The following INPP5D variants were observed in gnomAD, a reference collection of about 807,000 sequenced individuals.
The protein encoded by INPP5D is phosphatidylinositol 3,4,5-trisphosphate 5-phosphatase 1.
INPP5D carries 33 observed loss-of-function variants against 122.9 expected under a neutral mutation model. The observed-to-expected ratio is 0.27, with a 90% CI of 0.20 to 0.36. INPP5D has a LOEUF of 0.36. Ranked by LOEUF, INPP5D falls within the 10% of genes least tolerant of loss-of-function variation. The pLI is 1.00. For missense variants in INPP5D, 1,053 were observed against 1,412.7 expected, an observed-to-expected ratio of 0.75 and a Z score of 4.08; for synonymous variants, 584 against 576.2, an observed-to-expected ratio of 1.01 and a Z score of -0.19.
chr2:233,065,678 G>A (rs370375606), intron 1 of INPP5D, among the ~76,000 whole-genome samples: 11 of 132,458 alleles, frequency 8.3e-5, no homozygotes, highest in Admixed American at 5.9e-4. Context: ...ACAGAGTCTC[G>A]CTCTGTCGCC....
chr2:233,198,439 C>T lies in INPP5D; in HGVS notation c.2975+63C>T, dbSNP rs1695243264. 2.0e-6 allele frequency: 3 copies of T among 1,537,910 alleles called. No homozygotes were observed. The South Asian group carries it at 3.7e-5, about 19-fold the overall frequency. On this transcript the variant is annotated intron_variant, in intron 25 of 26. Transcript: ENST00000445964. Reference sequence around the variant, plus strand: ...TTATGAAAGCGCCCTGGGCTTTGGGCTTTCACCCTAGAATGGAAGCCTCAT... The same window carrying T: ...TTATGAAAGCGCCCTGGGCTTTGGGTTTTCACCCTAGAATGGAAGCCTCAT...
chr2:233,127,391 T>C (rs920383987), intron 4 of INPP5D, among the ~76,000 whole-genome samples: 3 of 152,198 alleles, frequency 2.0e-5, no homozygotes, highest in African/African-American at 7.2e-5. Flanking sequence ...GGAATCCACA[T>C]TGTGTTTTAA....
chr2:233,107,230 C>G (rs1363048066), intron 2 of INPP5D, among the ~76,000 whole-genome samples: 1 of 152,136 alleles, frequency 6.6e-6, no homozygotes, highest in Non-Finnish European at 1.5e-5. Context: ...AGGGACCCAG[C>G]CTGGGGAGGA....
In INPP5D at chr2:233,206,269, TTA is replaced by T. The variant is rs1445330934; in HGVS notation, c.3568-431_3568-430del. On this transcript the variant is annotated intron_variant, in intron 26 of 26. Coordinates refer to ENST00000445964, the MANE Select transcript of INPP5D (RefSeq NM_001017915.3). The surrounding 1 kb of genome is among the most constrained non-coding windows in gnomAD (Gnocchi z 4.0). ...CCATGTATTATCATCTATATAGAAA[TTA>T]TATATTTATATTTATGTATTTACAT... Among the ~76,000 whole-genome samples, 1 of 151,786 alleles carries T rather than the reference TTA, an allele frequency of 6.6e-6. No homozygotes were observed. The highest frequency in any genetic ancestry group is 2.4e-5 in the African/African-American group (1 of 41,326).
intron 1 of INPP5D, among the ~76,000 whole-genome samples, chr2:233,075,366 A>G (rs1691492126): frequency 6.6e-6 from 1 of 152,164 alleles, no homozygotes; most frequent in Admixed American, 6.5e-5. Context: ...ATCACCACAA[A>G]GAGCTGGGGA....
At position 233,170,112 on chromosome 2, in the gene INPP5D, C is replaced by T. The variant is rs375591511; in HGVS notation, c.1739C>T (p.Thr580Met). Residue 580 changes from threonine to methionine, a missense_variant, in exon 15 of 27, where the codon ACG (threonine) becomes ATG (methionine). Around this residue, in one of 6 missense-constraint regions of INPP5D, gnomAD observed 258 missense variants for 439.1 expected, o/e 0.59. Transcript: ENST00000445964. The surrounding 1 kb of genome is among the most constrained non-coding windows in gnomAD (Gnocchi z 4.5). ...CCCTTTAACATCACTCACCGCTTCA[C>T]GCACCTCTTCTGGTTTGGGGATCTT... ...LSPFNITHRF[T>M]HLFWFGDLNY... The T allele has an allele frequency of 7.4e-6, 12 of 1,613,940 alleles. No homozygotes were observed. Among genetic ancestry groups the T allele is most frequent in the African/African-American group, 5.3e-5 (4 of 74,938 alleles).
intron 21 of INPP5D, among the ~76,000 whole-genome samples, chr2:233,186,697 T>G (rs1171475614): frequency 2.1e-4 from 5 of 23,714 alleles, no homozygotes; most frequent in African/African-American, 1.2e-3. Context: ...TTTTTTTTTT[T>G]TTTTTTTTTT....
intron 1 of INPP5D, among the ~76,000 whole-genome samples, chr2:233,065,646 TCTTTC>T: frequency 2.0e-4 from 3 of 14,930 alleles, no homozygotes; most frequent in African/African-American, 3.3e-4. Context: ...TTTCTTTCTT[TCTTTC>T]TTTTTTTTTT....
intron 21 of INPP5D, among the ~76,000 whole-genome samples, chr2:233,186,765 C>T (rs1285555800): frequency 1.5e-4 from 16 of 105,868 alleles, no homozygotes; most frequent in African/African-American, 5.9e-4. Flanking sequence ...CTCTGTTGCC[C>T]AGGCTGGAGT....
chr2:233,065,354 C>T (rs1384863139), intron 1 of INPP5D, among the ~76,000 whole-genome samples: 3 of 128,598 alleles, frequency 2.3e-5, no homozygotes, highest in Non-Finnish European at 3.1e-5. Context: ...GTCGCCAAGG[C>T]TGGAGTGCAG....
Position 233,177,488 on chromosome 2 carries a change from G to A in INPP5D, c.2071+142G>A. ...CACTGTAACCCTAATCAGGCGACCT[G>A]GAAATGTTGATGCTTCCCTGCCTGT... On this transcript the variant is annotated intron_variant, in intron 18 of 26. Coordinates refer to ENST00000445964, the MANE Select transcript of INPP5D (RefSeq NM_001017915.3). This position sits in a 1 kb window ranked among gnomAD's most constrained non-coding sequence, Gnocchi z 4.2. 7.2e-7 allele frequency: 1 copy of A among 1,381,384 alleles called. No homozygotes were observed. Among genetic ancestry groups the A allele is most frequent in the Non-Finnish European group, 9.9e-7 (1 of 1,008,344 alleles). 85.6% of individuals were successfully genotyped at this position (1,381,384 alleles called of 1,614,324 possible).
Position 233,177,429 on chromosome 2 carries a change from G to A in INPP5D, c.2071+83G>A. 1 of 1,605,928 alleles carries A rather than the reference G, an allele frequency of 6.2e-7. No individual in the cohort carries two copies. The highest frequency in any genetic ancestry group is 1.3e-5 in the African/African-American group (1 of 74,828). On this transcript the variant is annotated intron_variant, in intron 18 of 26. Coordinates refer to ENST00000445964, the MANE Select transcript of INPP5D (RefSeq NM_001017915.3). The surrounding 1 kb of genome is among the most constrained non-coding windows in gnomAD (Gnocchi z 4.2). ...GGTGTGACTGCCCTAAAATCTAAGG[G>A]CTTCAGTCTGTTGATGTGTCAAAGG...
chr2:233,077,285 TG>T (rs1251368060), intron 1 of INPP5D, among the ~76,000 whole-genome samples: 1 of 151,772 alleles, frequency 6.6e-6, no homozygotes, highest in Non-Finnish European at 1.5e-5. Context: ...CTCATGGGAG[TG>T]GGGAAGGAGA....
At chr2:233,126,005 G>T (rs1354594605) in intron 4 of INPP5D, 86 bp downstream of exon 4, 2 of 1,329,002 alleles carry the variant, frequency 1.5e-6, no homozygotes, top group Non-Finnish European at 2.1e-6. Flanking sequence ...TTCGATCCTA[G>T]TTATGGGCCT....
rs898912442 is a variant in INPP5D at position 233,189,497 on chromosome 2, G to T, written c.2359-353G>T. ...ACCTGGTGCCTGGCCCCACTTCCCC[G>T]CCAGCCTGCCTTCTCCTCTATGACC... On this transcript the variant is annotated intron_variant, in intron 21 of 26. Coordinates refer to ENST00000445964, the MANE Select transcript of INPP5D (RefSeq NM_001017915.3). This position sits in a 1 kb window ranked among gnomAD's most constrained non-coding sequence, Gnocchi z 5.6. Among the ~76,000 whole-genome samples, 3 of 152,114 alleles carry T rather than the reference G, an allele frequency of 2.0e-5. No individual in the cohort carries two copies. The highest frequency in any genetic ancestry group is 7.2e-5 in the African/African-American group (3 of 41,414).
intron 4 of INPP5D, 78 bp downstream of exon 4, chr2:233,125,997 C>A: frequency 1.4e-6 from 2 of 1,416,370 alleles, no homozygotes; most frequent in Non-Finnish European, 1.9e-6. Context: ...GCTTGGGTTT[C>A]GATCCTAGTT....
At chr2:233,130,231 C>A (rs1693281919) in intron 4 of INPP5D, among the ~76,000 whole-genome samples, 1 of 152,096 alleles carries the variant, frequency 6.6e-6, no homozygotes, top group Non-Finnish European at 1.5e-5. Flanking sequence ...TTTCCCAGAC[C>A]CCCAGCCAAA....
intron 1 of INPP5D, among the ~76,000 whole-genome samples, chr2:233,072,714 C>T (rs961493749): frequency 6.6e-6 from 1 of 152,322 alleles, no homozygotes. Context: ...TTTCAGAGAA[C>T]AATCTATTTG....
chr2:233,061,275 G>A (rs946584937), intron 1 of INPP5D, among the ~76,000 whole-genome samples: 1 of 142,336 alleles, frequency 7.0e-6, no homozygotes, highest in African/African-American at 2.7e-5. Context: ...CCCACTGCCC[G>A]GTTGGGGATG....
Sources: allele counts gnomAD v4.1 joint callset (sites outside exome capture counted in the v4.1 genomes callset), GRCh38; gene constraint gnomAD v4.1.1; regional missense constraint gnomAD v4.1.1; non-coding constraint Gnocchi (gnomAD v3.1); transcripts MANE v1.5; gene names NCBI Gene and HGNC (gene_info 2026-07-23, HGNC 2026-07-21).